The following NLGN1 variants were observed in gnomAD, a reference collection of about 807,000 sequenced individuals.
NLGN1 encodes the protein neuroligin 1.
NLGN1 carries 12 observed loss-of-function variants against 65.5 expected under a neutral mutation model. The ratio of observed to expected loss-of-function variants is 0.18; its 90% CI spans 0.12 to 0.30. The LOEUF (loss-of-function observed/expected upper bound fraction) is 0.30. Ranked by LOEUF, NLGN1 falls within the 10% of genes least tolerant of loss-of-function variation. The probability of loss-of-function intolerance (pLI) is 1.00; values close to 1 mark genes in which losing one functional copy is unlikely to be tolerated. For missense variants in NLGN1, 750 were observed against 1,007.1 expected, an observed-to-expected ratio of 0.74 and a Z score of 3.46; for synonymous variants, 350 against 359.5, an observed-to-expected ratio of 0.97 and a Z score of 0.30.
intron 4 of NLGN1, among the ~76,000 whole-genome samples, chr3:174,255,211 G>A (rs1204898543): frequency 6.6e-6 from 1 of 152,000 alleles, no homozygotes; most frequent in African/African-American, 2.4e-5. Context: ...CGAGGTGGGC[G>A]GACCACAAGG....
chr3:174,040,957 T>C (rs1228461848), intron 4 of NLGN1, among the ~76,000 whole-genome samples: 1 of 152,226 alleles, frequency 6.6e-6, no homozygotes, highest in Non-Finnish European at 1.5e-5. Context: ...TCATTAACTA[T>C]AATTCAATAT....
intron 3 of NLGN1, among the ~76,000 whole-genome samples, chr3:173,788,406 ATTTTT>A (rs1189228141): frequency 2.0e-5 from 3 of 151,826 alleles, no homozygotes; most frequent in Non-Finnish European, 4.4e-5. Flanking sequence ...CAATTAACCT[ATTTTT>A]TTAGTTTTTA....
At chr3:174,284,251 T>G (rs1751872394) in exon 7 of NLGN1, 1 of 151,362 alleles carries the variant, frequency 6.6e-6, no homozygotes, top group South Asian at 2.1e-4. Flanking sequence ...AGTTGCTAGT[T>G]TTATAATTGC....
intron 2 of NLGN1, among the ~76,000 whole-genome samples, chr3:173,596,592 G>A (rs1198973921): frequency 6.6e-6 from 1 of 152,064 alleles, no homozygotes; most frequent in East Asian, 1.9e-4. Flanking sequence ...TCAATGTTTA[G>A]CCCCAGTACT....
At chr3:173,732,347 C>G (rs529990262) in intron 3 of NLGN1, among the ~76,000 whole-genome samples, 5 of 152,224 alleles carry the variant, frequency 3.3e-5, no homozygotes, top group Admixed American at 6.5e-5. Flanking sequence ...TTCCACATCA[C>G]GTTTTAAACA....
intron 4 of NLGN1, among the ~76,000 whole-genome samples, chr3:174,247,598 T>A (rs1744036040): frequency 6.6e-6 from 1 of 152,252 alleles, no homozygotes; most frequent in African/African-American, 2.4e-5. Flanking sequence ...TAACTTTACT[T>A]ACAGTTATCT....
At chr3:174,066,560 C>CTGTGTGTG (rs1326570279) in intron 4 of NLGN1, among the ~76,000 whole-genome samples, 33 of 133,986 alleles carry the variant, frequency 2.5e-4, no homozygotes, top group African/African-American at 9.3e-4. Flanking sequence ...CTCTCTCTCT[C>CTGTGTGTG]TCTCTGTGTG....
At chr3:173,620,848 A>T (rs1753880043) in intron 3 of NLGN1, among the ~76,000 whole-genome samples, 1 of 152,116 alleles carries the variant, frequency 6.6e-6, no homozygotes. Flanking sequence ...AGGAAATCAT[A>T]AACTGTCAAC....
intron 2 of NLGN1, among the ~76,000 whole-genome samples, chr3:173,488,723 T>C (rs572691499): frequency 1.9e-3 from 283 of 152,186 alleles, no homozygotes; most frequent in African/African-American, 6.7e-3. Context: ...TGCACTATTA[T>C]TTTGGTAGGT....
chr3:174,158,088 AATGAC>A (rs1183604113), intron 4 of NLGN1, among the ~76,000 whole-genome samples: 5 of 151,710 alleles, frequency 3.3e-5, no homozygotes, highest in African/African-American at 7.3e-5. Context: ...GCTATGTCTA[AATGAC>A]TTTAAGATCG....
chr3:173,921,330 A>G (rs1301495798), intron 4 of NLGN1, among the ~76,000 whole-genome samples: 9 of 148,328 alleles, frequency 6.1e-5, no homozygotes, highest in African/African-American at 1.7e-4. Flanking sequence ...ATAGTGGAAA[A>G]TAATTCAATT....
chr3:174,219,796 A>G (rs1738297418), intron 4 of NLGN1, among the ~76,000 whole-genome samples: 1 of 152,186 alleles, frequency 6.6e-6, no homozygotes, highest in African/African-American at 2.4e-5. Flanking sequence ...AGCAAAGACC[A>G]AAGACCAAAA....
chr3:173,765,680 G>A (rs1335529539), intron 3 of NLGN1, among the ~76,000 whole-genome samples: 1 of 152,016 alleles, frequency 6.6e-6, no homozygotes, highest in Non-Finnish European at 1.5e-5. Flanking sequence ...TTCAATTTCT[G>A]GGATTTTGGA....
intron 2 of NLGN1, among the ~76,000 whole-genome samples, chr3:173,594,412 C>G (rs1749088397): frequency 1.3e-5 from 2 of 152,196 alleles, no homozygotes; most frequent in Admixed American, 1.3e-4. Flanking sequence ...GACTCCAGGT[C>G]TCACATCCAG....
chr3:173,701,124 G>A (rs1160074218), intron 3 of NLGN1, among the ~76,000 whole-genome samples: 5 of 151,880 alleles, frequency 3.3e-5, no homozygotes, highest in African/African-American at 7.3e-5. Context: ...GCGAGACTCC[G>A]TCTTGAAAAA....
At chr3:173,939,644 C>A (rs938856457) in intron 4 of NLGN1, among the ~76,000 whole-genome samples, 2 of 152,106 alleles carry the variant, frequency 1.3e-5, no homozygotes, top group African/African-American at 2.4e-5. Flanking sequence ...ATTTGGTTTT[C>A]ATATCCACTT....
intron 4 of NLGN1, among the ~76,000 whole-genome samples, chr3:174,091,580 AT>A (rs1744532658): frequency 6.6e-6 from 1 of 152,202 alleles, no homozygotes; most frequent in Non-Finnish European, 1.5e-5. Context: ...AGCTACCATG[AT>A]TTTTAATCCA....
intron 4 of NLGN1, among the ~76,000 whole-genome samples, chr3:174,090,534 C>A (rs1744315462): frequency 6.6e-6 from 1 of 151,956 alleles, no homozygotes; most frequent in Non-Finnish European, 1.5e-5. Context: ...GAAAGTCCCA[C>A]CCGCAAAGAT....
In NLGN1 at chr3:173,816,897, C is replaced by T. The variant is rs529177567; in HGVS notation, c.646+9065C>T. Among the ~76,000 whole-genome samples the T allele has an allele frequency of 8.1e-4, 123 of 152,356 alleles. 1 individual carries two copies. The highest frequency in any genetic ancestry group is 1.2e-3 in the Non-Finnish European group (85 of 68,038). On this transcript the variant is annotated intron_variant, in intron 4 of 6. Transcript: ENST00000457714. ...TCCAATCTAACAAGAGCCATCACTT[C>T]GTGCCATCTCCCTTTTAAAATTGTC...
Sources: gnomAD v4.1 joint callset for allele counts (sites outside exome capture counted in the v4.1 genomes callset) on GRCh38, gnomAD v4.1.1 for gene constraint, MANE v1.5 for transcripts, NCBI Gene and HGNC (gene_info 2026-07-23, HGNC 2026-07-21) for gene names.